The following MGAT4C variants were observed in gnomAD, a reference collection of about 807,000 sequenced individuals.
The protein encoded by MGAT4C is MGAT4 family member C.
MGAT4C carries 19 observed loss-of-function variants against 40.1 expected under a neutral mutation model. The observed-to-expected ratio is 0.47, with a 90% CI of 0.33 to 0.70. The LOEUF (loss-of-function observed/expected upper bound fraction) is 0.70, where lower values mean the gene tolerates loss of function less well. MGAT4C is among the 30% of genes least tolerant of loss of function. The pLI is 0.02. For missense variants in MGAT4C, 491 were observed against 563.2 expected (o/e 0.87, Z 1.30); for synonymous variants, 181 against 187.1 (o/e 0.97, Z 0.27).
intron 2 of MGAT4C, among the ~76,000 whole-genome samples, chr12:86,447,299 AT>A (rs1957356701): frequency 6.6e-6 from 1 of 151,974 alleles, no homozygotes; most frequent in African/African-American, 2.4e-5. Flanking sequence ...CTAATTTTGT[AT>A]TTTTAGTAGA....
intron 2 of MGAT4C, among the ~76,000 whole-genome samples, chr12:86,700,134 TAGATAGACAGACAGAC>T (rs200090072): frequency 1.5e-3 from 183 of 120,538 alleles, no homozygotes; most frequent in Non-Finnish European, 2.2e-3. Flanking sequence ...ATAATGTAGA[TAGATAGACAGACAGAC>T]AGACAGACAG....
At chr12:86,632,472 C>T (rs564725776) in intron 2 of MGAT4C, among the ~76,000 whole-genome samples, 1 of 152,118 alleles carries the variant, frequency 6.6e-6, no homozygotes, top group South Asian at 2.1e-4. Context: ...TTTGTTGTGG[C>T]ACTATTCACA....
chr12:86,775,722 G>A (rs940158700), intron 1 of MGAT4C, among the ~76,000 whole-genome samples: 4 of 151,556 alleles, frequency 2.6e-5, no homozygotes, highest in Non-Finnish European at 5.9e-5. Flanking sequence ...GAAAGAAAAA[G>A]GATAATGGTG....
intron 2 of MGAT4C, among the ~76,000 whole-genome samples, chr12:86,549,162 C>A (rs1959232806): frequency 6.6e-6 from 1 of 152,054 alleles, no homozygotes; most frequent in South Asian, 2.1e-4. Context: ...GATGATCTTA[C>A]AAAGGTATCC....
intron 2 of MGAT4C, among the ~76,000 whole-genome samples, chr12:86,673,059 T>C (rs1416172777): frequency 1.3e-5 from 2 of 152,188 alleles, no homozygotes; most frequent in Non-Finnish European, 2.9e-5. Context: ...TATCTCATAA[T>C]AGTTCCTTGA....
chr12:86,747,376 C>G (rs1280107796), intron 1 of MGAT4C, among the ~76,000 whole-genome samples: 1 of 151,588 alleles, frequency 6.6e-6, no homozygotes, highest in East Asian at 1.9e-4. Context: ...TATTTCAAAA[C>G]AATTACTCAA....
chr12:86,630,374 A>G (rs559638083), intron 2 of MGAT4C, among the ~76,000 whole-genome samples: 1 of 152,326 alleles, frequency 6.6e-6, no homozygotes, highest in East Asian at 1.9e-4. Flanking sequence ...ATCAACAGAA[A>G]AAGAGGGAAT....
At chr12:86,195,961 T>C (rs1949785364) in intron 1 of MGAT4C, among the ~76,000 whole-genome samples, 1 of 152,224 alleles carries the variant, frequency 6.6e-6, no homozygotes, top group Admixed American at 6.5e-5. Context: ...TAGACATGTA[T>C]ATAGAAATAT....
At chr12:86,437,915 C>T (rs4636736) in intron 2 of MGAT4C, among the ~76,000 whole-genome samples, 9,823 of 151,890 alleles carry the variant, frequency 0.065, 764 homozygotes, top group East Asian at 0.24. Context: ...TAGAGACTCC[C>T]TGTTCCCTGA....
At chr12:86,421,628 T>C (rs1369445809) in intron 3 of MGAT4C, among the ~76,000 whole-genome samples, 1 of 151,974 alleles carries the variant, frequency 6.6e-6, no homozygotes, top group Non-Finnish European at 1.5e-5. Context: ...ATACAAAAGT[T>C]TGCCAGGCAT....
intron 2 of MGAT4C, among the ~76,000 whole-genome samples, chr12:86,507,350 G>A (rs1305982934): frequency 1.3e-5 from 2 of 152,130 alleles, no homozygotes; most frequent in African/African-American, 4.8e-5. Flanking sequence ...CTAATATTGA[G>A]CTTTGTTATG....
In MGAT4C at chr12:86,310,031, T is replaced by TA. The variant is rs1009932000; in HGVS notation, c.-57+24033dup. Among the ~76,000 whole-genome samples the TA allele has an allele frequency of 7.9e-5, 12 of 152,058 alleles. No homozygotes were observed. In the East Asian group the frequency reaches 1.4e-3, roughly 17 times the overall value. ...TTAATAGAGTACTAGAAGACCCTATTAAAAAAATAAATAATAGAAAAAGAA... is the reference window on the plus strand; with the variant it reads ...TTAATAGAGTACTAGAAGACCCTATTAAAAAAAATAAATAATAGAAAAAGAA... On this transcript the variant is annotated intron_variant, in intron 4 of 7. Transcript: ENST00000548651.
At chr12:86,684,042 A>G (rs1212464726) in intron 2 of MGAT4C, among the ~76,000 whole-genome samples, 1 of 152,078 alleles carries the variant, frequency 6.6e-6, no homozygotes, top group African/African-American at 2.4e-5. Context: ...CTTTCTATCT[A>G]CACCCAATTA....
intron 2 of MGAT4C, among the ~76,000 whole-genome samples, chr12:86,485,424 A>G (rs1293466080): frequency 6.6e-6 from 1 of 152,190 alleles, no homozygotes; most frequent in South Asian, 2.1e-4. Flanking sequence ...AAATCACTAC[A>G]AGAATTTCAT....
chr12:86,823,870 G>T (rs1952752520), intron 1 of MGAT4C, among the ~76,000 whole-genome samples: 1 of 151,276 alleles, frequency 6.6e-6, no homozygotes, highest in South Asian at 2.1e-4. Context: ...TATTCCCATG[G>T]AATAAAACAG....
chr12:86,089,417 T>A (rs1872486304), intron 1 of MGAT4C, among the ~76,000 whole-genome samples: 1 of 151,938 alleles, frequency 6.6e-6, no homozygotes. Context: ...TACAATAACA[T>A]GTACATGCAG....
intron 1 of MGAT4C, among the ~76,000 whole-genome samples, chr12:86,107,704 G>T (rs1289735992): frequency 1.3e-5 from 2 of 152,090 alleles, no homozygotes; most frequent in African/African-American, 4.8e-5. Context: ...TTAGTAAATG[G>T]ATTACCTTTT....
At position 86,000,084 on chromosome 12, in the gene MGAT4C, T is replaced by C. The variant is rs140334639; in HGVS notation, c.-6-10532A>G. On this transcript the variant is annotated intron_variant, in intron 2 of 4. Transcript: ENST00000611864. ...CTTAATGTGATCATTGTACAATGTATACACATGCATTGAAATATCACACTG... is the reference window on the plus strand; with the variant it reads ...CTTAATGTGATCATTGTACAATGTACACACATGCATTGAAATATCACACTG... Among the ~76,000 whole-genome samples, 323 of 152,278 alleles carry C rather than the reference T, an allele frequency of 2.1e-3. 2 individuals are homozygous for C. The highest frequency in any genetic ancestry group is 7.2e-3 in the African/African-American group (299 of 41,558).
At chr12:86,224,048 A>G (rs151010835) in intron 1 of MGAT4C, among the ~76,000 whole-genome samples, 1 of 152,320 alleles carries the variant, frequency 6.6e-6, no homozygotes, top group East Asian at 1.9e-4. Context: ...CTGGAGGTCC[A>G]AGAATTGGCC....
Sources: gnomAD v4.1 joint callset for allele counts (sites outside exome capture counted in the v4.1 genomes callset) on GRCh38, gnomAD v4.1.1 for gene constraint, MANE v1.5 for transcripts, NCBI Gene and HGNC (gene_info 2026-07-23, HGNC 2026-07-21) for gene names.